NBAS: variants seen among roughly 807,000 people sequenced by gnomAD.
NBAS encodes NBAS subunit of NRZ tethering complex.
A neutral mutation model predicts 302.5 loss-of-function variants in NBAS; 219 were observed. The ratio of observed to expected loss-of-function variants is 0.72; its 90% CI spans 0.65 to 0.81. The LOEUF is 0.81. Ranked by LOEUF, NBAS falls within the 30% of genes least tolerant of loss-of-function variation. NBAS has a pLI of 0.00. For synonymous variants in NBAS, 1,118 were observed against 1,021.6 expected, an observed-to-expected ratio of 1.09 and a Z score of -1.80; for missense variants, 2,932 against 2,841.6, an observed-to-expected ratio of 1.03 and a Z score of -0.72.
chr2:15,089,657 G>A, the NBAS span, among the ~76,000 whole-genome samples: 1 of 151,062 alleles, frequency 6.6e-6, no homozygotes, highest in East Asian at 2.0e-4. Context: ...GCCCAGTGTT[G>A]TCAGGAATTC....
At chr2:15,223,834 A>T (rs1261108437) in intron 47 of NBAS, among the ~76,000 whole-genome samples, 4 of 151,560 alleles carry the variant, frequency 2.6e-5, no homozygotes, top group South Asian at 2.1e-4. Context: ...TCTCAAATAA[A>T]AAAAAAAAAA....
intron 32 of NBAS, among the ~76,000 whole-genome samples, chr2:15,363,183 T>C (rs1234878766): frequency 6.6e-6 from 1 of 152,216 alleles, no homozygotes; most frequent in African/African-American, 2.4e-5. Context: ...TGATCTTCTC[T>C]TCCTGACTGA....
the NBAS span, among the ~76,000 whole-genome samples, chr2:14,851,630 A>C: frequency 2.5e-5 from 3 of 117,840 alleles, no homozygotes; most frequent in Non-Finnish European, 4.8e-5. Context: ...ACAACCAAAA[A>C]AGAGAATTTT....
intron 28 of NBAS, 102 bp downstream of exon 28, chr2:15,394,125 T>G (rs1675749523): frequency 8.0e-7 from 1 of 1,256,352 alleles, no homozygotes; most frequent in African/African-American, 1.5e-5. Flanking sequence ...TATGTGCAGT[T>G]TATTATTAGT....
At position 15,439,174 on chromosome 2, in the gene NBAS, G is replaced by T. The variant is rs141889555; in HGVS notation, c.2340-11380C>A. Among the ~76,000 whole-genome samples the T allele has an allele frequency of 4.6e-5, 7 of 151,984 alleles. No individual in the cohort carries two copies. In the East Asian group the frequency reaches 1.4e-3, roughly 30 times the overall value. On this transcript the variant is annotated intron_variant, in intron 21 of 51. Coordinates refer to ENST00000281513, the MANE Select transcript of NBAS (RefSeq NM_015909.4). ...AAAAATTAGCCGGGTGCAGTGGCAGGCACCTGCAGTCCCAGCTACTTGGGA... is the reference window on the plus strand; with the variant it reads ...AAAAATTAGCCGGGTGCAGTGGCAGTCACCTGCAGTCCCAGCTACTTGGGA...
the NBAS span, among the ~76,000 whole-genome samples, chr2:14,818,899 A>T: frequency 6.6e-6 from 1 of 152,180 alleles, no homozygotes. Context: ...GAACATCTAC[A>T]CTTTCTACCT....
chr2:15,148,731 T>C, the NBAS span, among the ~76,000 whole-genome samples: 7 of 152,234 alleles, frequency 4.6e-5, no homozygotes, highest in Non-Finnish European at 8.8e-5. Context: ...GCAAGTACAC[T>C]GATGCAAAAC....
intron 21 of NBAS, among the ~76,000 whole-genome samples, chr2:15,459,906 T>A (rs1233052853): frequency 1.3e-5 from 2 of 152,228 alleles, no homozygotes; most frequent in African/African-American, 4.8e-5. Flanking sequence ...GGGTTCAAAT[T>A]CTGGCTGCCC....
the NBAS span, among the ~76,000 whole-genome samples, chr2:14,919,953 C>T: frequency 6.6e-6 from 1 of 152,220 alleles, no homozygotes; most frequent in Admixed American, 6.5e-5. Context: ...TTTTGACCTC[C>T]TCCCATGAAT....
chr2:14,826,079 G>C, the NBAS span, among the ~76,000 whole-genome samples: 2 of 152,280 alleles, frequency 1.3e-5, no homozygotes, highest in African/African-American at 4.8e-5. Context: ...TGTTTCAAGA[G>C]GCTAAATGAG....
At position 15,202,992 on chromosome 2, in the gene NBAS, C is replaced by T. The variant is rs1665951184; in HGVS notation, c.6433-12589G>A. Among the ~76,000 whole-genome samples, 4 of 152,162 alleles carry T rather than the reference C, an allele frequency of 2.6e-5. No individual in the cohort carries two copies. The South Asian group carries it at 8.3e-4, about 32-fold the overall frequency. On this transcript the variant is annotated intron_variant, in intron 48 of 51. Coordinates refer to ENST00000281513, the MANE Select transcript of NBAS (RefSeq NM_015909.4). ...TCAGATTTGAATATTGGCCCTGTCA[C>T]TTAATAGCTGTGTGATTACATAAAA...
chr2:15,423,215 C>A (rs1677296118), intron 23 of NBAS, among the ~76,000 whole-genome samples: 1 of 152,110 alleles, frequency 6.6e-6, no homozygotes, highest in Admixed American at 6.5e-5. Context: ...AGCTTATTTC[C>A]AAAGATTCAC....
At chr2:15,501,584 ATTTTTTTTTT>A (rs70961416) in intron 11 of NBAS, among the ~76,000 whole-genome samples, 1 of 107,222 alleles carries the variant, frequency 9.3e-6, no homozygotes, top group Non-Finnish European at 1.8e-5. Context: ...TGAACTAAAT[ATTTTTTTTTT>A]TTTTTTTTTT....
rs2148339809 is a variant in NBAS at position 15,366,636 on chromosome 2, G to A, written c.3761C>T (p.Thr1254Ile). 2 of 1,614,128 alleles carry A rather than the reference G, an allele frequency of 1.2e-6. No individual in the cohort carries two copies. The highest frequency in any genetic ancestry group is 1.3e-5 in the African/African-American group (1 of 75,036). Residue 1254 changes from threonine to isoleucine, a missense_variant, in exon 32 of 52, where the codon ACA (threonine) becomes ATA (isoleucine). Transcript: ENST00000281513. ...AAGCTTGGTGGATTGTTTATAGCAT[G>A]TGGGGGACTGGGAAATACACTCCTT... ...LIKECISQSP[T>I]CYKQSTKLLG...
intron 41 of NBAS, 120 bp downstream of exon 41, chr2:15,292,417 C>T (rs1670345520): frequency 9.7e-7 from 1 of 1,032,448 alleles, no homozygotes; most frequent in Non-Finnish European, 1.5e-6. Flanking sequence ...TGGGGAAAGC[C>T]CTATTCATAG....
At chr2:15,552,472 G>C (rs182763960) in intron 5 of NBAS, among the ~76,000 whole-genome samples, 35 of 152,206 alleles carry the variant, frequency 2.3e-4, no homozygotes, top group African/African-American at 8.4e-4. Context: ...CGATAATGAA[G>C]ACCTTTGTAA....
chr2:15,458,708 CACAA>C (rs1366457190), intron 21 of NBAS, among the ~76,000 whole-genome samples: 1 of 152,116 alleles, frequency 6.6e-6, no homozygotes, highest in Admixed American at 6.5e-5. Context: ...TCTGTGGCAA[CACAA>C]ACAGACTAAT....
intron 11 of NBAS, among the ~76,000 whole-genome samples, chr2:15,495,867 A>G (rs1681047588): frequency 6.6e-6 from 1 of 152,180 alleles, no homozygotes. Flanking sequence ...CACCTTGGAA[A>G]ACTATCTGAC....
At chr2:15,415,771 T>C (rs1219981288) in intron 24 of NBAS, 52 bp from the exon 25 acceptor site, 1 of 1,589,646 alleles carries the variant, frequency 6.3e-7, no homozygotes, top group Non-Finnish European at 8.6e-7. Context: ...TTAAACTAAA[T>C]GCCTTATTAT....
Sources: allele counts gnomAD v4.1 joint callset (sites outside exome capture counted in the v4.1 genomes callset), GRCh38; gene constraint gnomAD v4.1.1; transcripts MANE v1.5; gene names NCBI Gene and HGNC (gene_info 2026-07-23, HGNC 2026-07-21).